The following RPS6KC1 variants were observed in gnomAD, a reference collection of about 807,000 sequenced individuals.
RPS6KC1 encodes the protein ribosomal protein S6 kinase C1, also known as inactive ribosomal protein S6 kinase delta-1.
In RPS6KC1, 54 loss-of-function variants were observed where a neutral mutation model predicts 103.8. The observed-to-expected ratio is 0.52, with a 90% CI of 0.42 to 0.65. RPS6KC1 has a LOEUF of 0.65. Among genes scored for constraint, RPS6KC1 ranks in the 30% least tolerant of loss-of-function variants. The pLI, the probability that RPS6KC1 is intolerant of heterozygous loss-of-function variation, is 0.00. For missense variants in RPS6KC1, 1,151 were observed against 1,253.8 expected (o/e 0.92, Z 1.24); for synonymous variants, 439 against 438.7 (o/e 1.00, Z -0.01).
chr1:213,515,921 A>T, the RPS6KC1 span, among the ~76,000 whole-genome samples: 1 of 149,892 alleles, frequency 6.7e-6, no homozygotes, highest in African/African-American at 2.4e-5. Flanking sequence ...AGTGGTTTGT[A>T]GTTCTCCTTG....
At chr1:213,495,849 C>G in the RPS6KC1 span, among the ~76,000 whole-genome samples, 1 of 152,108 alleles carries the variant, frequency 6.6e-6, no homozygotes, top group Admixed American at 6.5e-5. Context: ...ATGTCTTATT[C>G]TTAAAAGATA....
chr1:213,355,415 C>T, the RPS6KC1 span, among the ~76,000 whole-genome samples: 4 of 152,036 alleles, frequency 2.6e-5, no homozygotes, highest in Admixed American at 1.3e-4. Context: ...TTGGATCCAC[C>T]GGCCTTAGAC....
At chr1:213,287,253 TGTGTGTGTG>T in the RPS6KC1 span, among the ~76,000 whole-genome samples, 1 of 150,736 alleles carries the variant, frequency 6.6e-6, no homozygotes, top group Non-Finnish European at 1.5e-5. Flanking sequence ...TGTGTGTGTG[TGTGTGTGTG>T]TGTGTGTGTG....
chr1:213,545,296 A>T, the RPS6KC1 span, among the ~76,000 whole-genome samples: 1 of 151,800 alleles, frequency 6.6e-6, no homozygotes, highest in Non-Finnish European at 1.5e-5. Flanking sequence ...GCTTGAACCC[A>T]GGAGGCGGAG....
the RPS6KC1 span, among the ~76,000 whole-genome samples, chr1:213,473,016 C>T: frequency 6.6e-6 from 1 of 152,230 alleles, no homozygotes; most frequent in South Asian, 2.1e-4. Flanking sequence ...TTCCAATGAA[C>T]TGTGCTTTGG....
chr1:213,370,422 A>G, the RPS6KC1 span, among the ~76,000 whole-genome samples: 43 of 152,176 alleles, frequency 2.8e-4, no homozygotes, highest in South Asian at 6.2e-3. Flanking sequence ...GCTTGATTCA[A>G]TAAGATTTGT....
chr1:213,410,142 A>AGAC, the RPS6KC1 span, among the ~76,000 whole-genome samples: 1 of 152,210 alleles, frequency 6.6e-6, no homozygotes, highest in African/African-American at 2.4e-5. Context: ...CAACAGAGTG[A>AGAC]GACTGTGACT....
chr1:213,447,491 T>A, the RPS6KC1 span, among the ~76,000 whole-genome samples: 7 of 152,232 alleles, frequency 4.6e-5, no homozygotes, highest in Admixed American at 3.9e-4. Context: ...AATATAAATA[T>A]TTTTAAGCGG....
intron 6 of RPS6KC1, among the ~76,000 whole-genome samples, chr1:213,167,489 C>CACACACA (rs141541042): frequency 4.0e-5 from 5 of 126,180 alleles, no homozygotes; most frequent in South Asian, 2.4e-4. Flanking sequence ...CACACACACA[C>CACACACA]AACAGCTGTT....
At chr1:213,285,345 T>TG in the RPS6KC1 span, among the ~76,000 whole-genome samples, 144,562 of 152,098 alleles carry the variant, frequency 0.95, 68,784 homozygotes, top group East Asian at 1. Flanking sequence ...GCTGTCATAC[T>TG]GGGGGGTAGG....
At chr1:213,314,151 C>G in the RPS6KC1 span, among the ~76,000 whole-genome samples, 1 of 152,078 alleles carries the variant, frequency 6.6e-6, no homozygotes, top group Non-Finnish European at 1.5e-5. Context: ...CCACCTCTGC[C>G]TCTGCTGTCA....
chr1:213,521,918 T>A, the RPS6KC1 span, among the ~76,000 whole-genome samples: 2 of 152,224 alleles, frequency 1.3e-5, no homozygotes, highest in African/African-American at 4.8e-5. Flanking sequence ...AATGTTGGAA[T>A]CGACTTCTTC....
chr1:213,557,167 C>T, the RPS6KC1 span, among the ~76,000 whole-genome samples: 121 of 152,288 alleles, frequency 7.9e-4, no homozygotes, highest in African/African-American at 2.8e-3. Flanking sequence ...TCTGACTGTG[C>T]TTCTCTATGC....
the RPS6KC1 span, among the ~76,000 whole-genome samples, chr1:213,597,006 T>C: frequency 1.3e-5 from 2 of 152,324 alleles, no homozygotes; most frequent in Admixed American, 6.5e-5. Flanking sequence ...ACTGTCAGCA[T>C]AGACAGTTCA....
chr1:213,364,341 G>T, the RPS6KC1 span, among the ~76,000 whole-genome samples: 9 of 152,324 alleles, frequency 5.9e-5, no homozygotes, highest in African/African-American at 2.2e-4. Flanking sequence ...TAAAAGATGA[G>T]AGTGGGGAAT....
At chr1:213,574,722 T>C in the RPS6KC1 span, among the ~76,000 whole-genome samples, 10 of 152,224 alleles carry the variant, frequency 6.6e-5, no homozygotes, top group African/African-American at 2.2e-4. Flanking sequence ...ACCCAGATTG[T>C]AGGGATGTGG....
chr1:213,251,388 G>T (rs2094543727), intron 12 of RPS6KC1, among the ~76,000 whole-genome samples: 1 of 152,156 alleles, frequency 6.6e-6, no homozygotes, highest in Non-Finnish European at 1.5e-5. Context: ...TTACAGGCGT[G>T]AGCCACCGTT....
the RPS6KC1 span, among the ~76,000 whole-genome samples, chr1:213,426,604 A>G: frequency 6.6e-6 from 1 of 152,220 alleles, no homozygotes; most frequent in Non-Finnish European, 1.5e-5. Flanking sequence ...CTTAATGTCT[A>G]TTTCAGGTCA....
At chr1:213,361,245 G>A in the RPS6KC1 span, among the ~76,000 whole-genome samples, 6 of 152,366 alleles carry the variant, frequency 3.9e-5, no homozygotes, top group Non-Finnish European at 8.8e-5. Context: ...ACCTACTCAA[G>A]CCTCAGCAAT....
Sources: allele counts gnomAD v4.1 joint callset (sites outside exome capture counted in the v4.1 genomes callset), GRCh38; gene constraint gnomAD v4.1.1; transcripts MANE v1.5; gene names NCBI Gene and HGNC (gene_info 2026-07-23, HGNC 2026-07-21).